Variants in CPD observed in about 807,000 individuals in gnomAD.
CPD encodes metallocarboxypeptidase D.
Under a neutral mutation model 138.3 loss-of-function variants are expected in CPD, and 69 were observed. The ratio of observed to expected loss-of-function variants is 0.50; its 90% CI spans 0.41 to 0.61. The LOEUF is 0.61. Ranked by LOEUF, CPD falls within the 20% of genes least tolerant of loss-of-function variation. CPD has a pLI of 0.00. For missense variants in CPD, 1,432 were observed against 1,733.3 expected (o/e 0.83, Z 3.09); for synonymous variants, 651 against 642.1 (o/e 1.01, Z -0.21).
At chr17:30,434,059 C>A (rs537940733) in intron 8 of CPD, among the ~76,000 whole-genome samples, 21 of 152,226 alleles carry the variant, frequency 1.4e-4, no homozygotes, top group African/African-American at 5.1e-4. Context: ...CCTTAGTAAG[C>A]CCCCATGAAG....
At chr17:30,433,646 T>G (rs890751359) in intron 8 of CPD, among the ~76,000 whole-genome samples, 5 of 152,230 alleles carry the variant, frequency 3.3e-5, no homozygotes, top group Non-Finnish European at 5.9e-5. Context: ...CAACTTCAGC[T>G]GAACCCTCAG....
rs1910973356 is a variant in CPD, at chr17:30,379,231, G to A, written c.251G>A (p.Ser84Asn). 3.3e-6 allele frequency: 5 copies of A among 1,523,800 alleles called. No homozygotes were observed. Among genetic ancestry groups the A allele is most frequent in the East Asian group, 2.6e-5 (1 of 38,560 alleles). 94.4% of individuals were successfully genotyped at this position (1,523,800 alleles called of 1,614,324 possible). ...AGLPGLARLFSIGRSVEGRPL... is the reference protein window; with the variant it reads ...AGLPGLARLFNIGRSVEGRPL... ...CTCCCCGGCCTGGCCCGCCTCTTTA[G>A]CATCGGCCGCTCGGTGGAAGGCCGG... Residue 84 changes from serine (S) to asparagine (N), a missense_variant, in exon 1 of 21, where the codon AGC becomes AAC. Around this residue, in one of 6 missense-constraint regions of CPD, gnomAD observed 484 missense variants for 477.2 expected, o/e 1.01. Coordinates refer to ENST00000225719, the MANE Select transcript of CPD (RefSeq NM_001304.5). The surrounding 1 kb of genome is among the most constrained non-coding windows in gnomAD (Gnocchi z 7.0).
rs181044319 is a variant in CPD, at chr17:30,469,406, C to T, written c.*4592C>T. On this transcript the variant is annotated 3_prime_UTR_variant, in exon 21 of 21. Coordinates refer to ENST00000225719, the MANE Select transcript of CPD (RefSeq NM_001304.5). ...TGACATTCTCTGAGCCTCAGTTTCT[C>T]TACTGGTTGAATAATCCTTGATAGG... 1 of 152,288 alleles carries T rather than the reference C, an allele frequency of 6.6e-6. No homozygotes were observed. The highest frequency in any genetic ancestry group is 2.4e-5 in the African/African-American group (1 of 41,554). The allele number at this position is 152,288 out of a possible 1,614,324, so 9.4% of individuals were successfully genotyped here. A position where few individuals can be genotyped will look rare whatever the true frequency, so the allele number is the denominator to read the frequency against.
Position 30,431,782 on chromosome 17 carries a change from G to A in CPD, c.2028G>A (p.Val676=), listed in dbSNP as rs1912572745. The change falls in exon 8 of 21, where the codon GTG becomes GTA. Residue 676 remains valine, a synonymous_variant. Coordinates refer to ENST00000225719, the MANE Select transcript of CPD (RefSeq NM_001304.5). ...TCTTTTCCCTTATAGGTTCTTTGGT[G>A]GTTAACTACCCTTTTGATGATGATG... The part of the protein sequence containing the change: ...LSANLHGGSL[V]VNYPFDDDEQ... 6.2e-7 allele frequency: 1 copy of A among 1,609,056 alleles called. No homozygotes were observed. The highest frequency in any genetic ancestry group is 1.7e-5 in the Admixed American group (1 of 59,648).
At chr17:30,457,507 G>A (rs1350503643) in intron 17 of CPD, among the ~76,000 whole-genome samples, 2 of 152,128 alleles carry the variant, frequency 1.3e-5, no homozygotes, top group Non-Finnish European at 2.9e-5. Context: ...AGATACCTAG[G>A]AGTGGAATTG....
intron 10 of CPD, among the ~76,000 whole-genome samples, chr17:30,442,786 T>C (rs181718618): frequency 6.6e-6 from 1 of 152,296 alleles, no homozygotes; most frequent in Admixed American, 6.5e-5. Flanking sequence ...GGCCAAGTGA[T>C]AGAAAGATGG....
In CPD at chr17:30,455,368, A is replaced by G. The variant is rs761368177; in HGVS notation, c.3235A>G (p.Ile1079Val). The G allele has an allele frequency of 3.1e-6, 5 of 1,613,296 alleles. No homozygotes were observed. The highest frequency in any genetic ancestry group is 4.2e-6 in the Non-Finnish European group (5 of 1,179,688). The part of the protein sequence containing the change: ...NNASQPETKA[I>V]IENLIQKQDF... ...TGCCTCCCAACCTGAGACCAAAGCC[A>G]TCATTGAAAATTTGATTCAAAAACA... The change falls in exon 15 of 21, where the codon ATC becomes GTC. Residue 1079 changes from isoleucine (I) to valine (V), a missense_variant. Ile to Val is a conservative substitution (Grantham distance 29). Around this residue, in one of 6 missense-constraint regions of CPD, gnomAD observed 366 missense variants for 518.8 expected, o/e 0.71. Transcript: ENST00000225719.
Position 30,379,212 on chromosome 17 carries a change from G to A in CPD, c.232G>A (p.Gly78Ser). The A allele has an allele frequency of 6.5e-7, 1 of 1,528,938 alleles. No individual in the cohort carries two copies. Among genetic ancestry groups the A allele is most frequent in the South Asian group, 1.2e-5 (1 of 83,682 alleles). The allele number at this position is 1,528,938 out of a possible 1,614,324, so 94.7% of individuals were successfully genotyped here. Residue 78 changes from glycine (G) to serine (S), a missense_variant, in exon 1 of 21, where the codon GGC (glycine) becomes AGC (serine). Around this residue, in one of 6 missense-constraint regions of CPD, gnomAD observed 484 missense variants for 477.2 expected, o/e 1.01. Transcript: ENST00000225719. This position sits in a 1 kb window ranked among gnomAD's most constrained non-coding sequence, Gnocchi z 7.0. ...GGAGGCGGCGGCCGCGGGCCTCCCC[G>A]GCCTGGCCCGCCTCTTTAGCATCGG... Reference protein sequence around the residue: ...LREAAAAGLPGLARLFSIGRS... With the variant: ...LREAAAAGLPSLARLFSIGRS...
At chr17:30,401,459 T>C (rs1194313711) in intron 2 of CPD, among the ~76,000 whole-genome samples, 1 of 151,446 alleles carries the variant, frequency 6.6e-6, no homozygotes, top group African/African-American at 2.4e-5. Context: ...CTTCTTCTTC[T>C]TCCTCTTCTT....
At chr17:30,443,742 C>A in intron 10 of CPD, 60 bp from the exon 11 acceptor site, 1 of 1,458,980 alleles carries the variant, frequency 6.9e-7, no homozygotes, top group Non-Finnish European at 9.3e-7. Context: ...ATATGACCTC[C>A]CAAGATAATT....
chr17:30,389,796 A>G (rs1911300559), intron 2 of CPD, among the ~76,000 whole-genome samples: 1 of 152,224 alleles, frequency 6.6e-6, no homozygotes, highest in African/African-American at 2.4e-5. Context: ...ATGAGCATCA[A>G]CTTTTCTCTT....
At chr17:30,444,189 T>C (rs1428109196) in intron 11 of CPD, 4 of 407,402 alleles carry the variant, frequency 9.8e-6, no homozygotes, top group Non-Finnish European at 1.8e-5. Flanking sequence ...ATTCTAGTTA[T>C]TGCTTAGTTG....
intron 7 of CPD, among the ~76,000 whole-genome samples, chr17:30,430,256 A>G (rs567440523): frequency 6.6e-6 from 1 of 152,164 alleles, no homozygotes; most frequent in Non-Finnish European, 1.5e-5. Context: ...TCTCCGCAAA[A>G]GGATACCCCA....
chr17:30,429,662 A>T (rs1256118600), intron 7 of CPD, among the ~76,000 whole-genome samples: 1 of 152,222 alleles, frequency 6.6e-6, no homozygotes, highest in Non-Finnish European at 1.5e-5. Flanking sequence ...CATAGGAAAG[A>T]CGTGAAACCC....
rs1422867718 is a variant in CPD, at chr17:30,469,767, G to A, written c.*4953G>A. ...TAAGTTGTATTTATGCTTCTTTAGTGAAAACAACGTTACTTAACTGCTACA... is the reference window on the plus strand; with the variant it reads ...TAAGTTGTATTTATGCTTCTTTAGTAAAAACAACGTTACTTAACTGCTACA... On this transcript the variant is annotated 3_prime_UTR_variant, in exon 21 of 21. Coordinates refer to ENST00000225719, the MANE Select transcript of CPD (RefSeq NM_001304.5). 1 of 152,144 alleles carries A rather than the reference G, an allele frequency of 6.6e-6. No homozygotes were observed. The highest frequency in any genetic ancestry group is 1.5e-5 in the Non-Finnish European group (1 of 68,014). The allele number at this position is 152,144 out of a possible 1,614,324, so 9.4% of individuals were successfully genotyped here.
chr17:30,436,743 T>C (rs555100866), intron 8 of CPD, among the ~76,000 whole-genome samples: 15 of 152,224 alleles, frequency 9.9e-5, no homozygotes, highest in Non-Finnish European at 1.6e-4. Flanking sequence ...AATTGTAATA[T>C]GACCCAGCAT....
At chr17:30,410,696 T>C (rs1161343023) in intron 2 of CPD, among the ~76,000 whole-genome samples, 1 of 152,228 alleles carries the variant, frequency 6.6e-6, no homozygotes, top group Non-Finnish European at 1.5e-5. Context: ...ATTTTTTTGC[T>C]CTCCATTTGC....
chr17:30,456,726 C>G (rs1027585813), intron 17 of CPD, 200 bp downstream of exon 17: 3 of 474,120 alleles, frequency 6.3e-6, no homozygotes, highest in African/African-American at 4.0e-5. Flanking sequence ...CCCGTAATCC[C>G]AGCTACTTGG....
At chr17:30,417,534 A>G (rs1394611654) in intron 2 of CPD, among the ~76,000 whole-genome samples, 1 of 152,082 alleles carries the variant, frequency 6.6e-6, no homozygotes, top group African/African-American at 2.4e-5. Flanking sequence ...TTTTCTGTTA[A>G]TGGCATCATC....
Sources: gnomAD v4.1 joint callset for allele counts (sites outside exome capture counted in the v4.1 genomes callset) on GRCh38, gnomAD v4.1.1 for gene constraint, gnomAD v4.1.1 regional missense constraint, Gnocchi (gnomAD v3.1) non-coding constraint, MANE v1.5 for transcripts, NCBI Gene and HGNC (gene_info 2026-07-23, HGNC 2026-07-21) for gene names.